PAPSS1: variants seen among roughly 807,000 people sequenced by gnomAD.
PAPSS1 encodes 3'-phosphoadenosine 5'-phosphosulfate synthase 1.
PAPSS1 carries 50 observed loss-of-function variants against 72.0 expected under a neutral mutation model. That is an observed-to-expected ratio of 0.69 (90% CI 0.55 to 0.88). The LOEUF (loss-of-function observed/expected upper bound fraction) is 0.88. Among genes scored for constraint, PAPSS1 ranks in the 40% least tolerant of loss-of-function variants. PAPSS1 has a pLI of 0.00. For synonymous variants in PAPSS1, 261 were observed against 263.6 expected (o/e 0.99, Z 0.09); for missense variants, 657 against 782.2 (o/e 0.84, Z 1.91).
intron 1 of PAPSS1, among the ~76,000 whole-genome samples, chr4:107,713,760 C>CA (rs111667474): frequency 2.4e-3 from 100 of 41,448 alleles, no homozygotes; most frequent in South Asian, 3.4e-3. Flanking sequence ...CTGTCTCAAA[C>CA]AAAAAAAAAA....
intron 1 of PAPSS1, among the ~76,000 whole-genome samples, chr4:107,716,480 G>A (rs144605429): frequency 2.4e-4 from 37 of 152,264 alleles, no homozygotes; most frequent in Admixed American, 1.4e-3. Flanking sequence ...TTAATGTCAC[G>A]TCCAGTTTCA....
At chr4:107,686,221 GT>G (rs1396369697) in intron 4 of PAPSS1, among the ~76,000 whole-genome samples, 1 of 152,126 alleles carries the variant, frequency 6.6e-6, no homozygotes, top group Non-Finnish European at 1.5e-5. Context: ...CTGTCCCTTG[GT>G]AATCATGCGG....
chr4:107,704,575 T>A (rs951282974), intron 1 of PAPSS1, among the ~76,000 whole-genome samples: 1 of 152,238 alleles, frequency 6.6e-6, no homozygotes, highest in Non-Finnish European at 1.5e-5. Flanking sequence ...ATGAACTCTT[T>A]CAAATAATTT....
At chr4:107,714,780 G>A (rs1282875384) in intron 1 of PAPSS1, among the ~76,000 whole-genome samples, 2 of 152,106 alleles carry the variant, frequency 1.3e-5, no homozygotes, top group African/African-American at 4.8e-5. Context: ...TCACGATTGA[G>A]AACCACTGGC....
At chr4:107,653,394 G>T in intron 9 of PAPSS1, 97 bp downstream of exon 9, 1 of 1,124,024 alleles carries the variant, frequency 8.9e-7, no homozygotes, top group Non-Finnish European at 1.3e-6. Flanking sequence ...ATATTTACCT[G>T]TACTCATCGT....
intron 4 of PAPSS1, among the ~76,000 whole-genome samples, chr4:107,682,778 T>C (rs1374342698): frequency 6.6e-6 from 1 of 152,220 alleles, no homozygotes; most frequent in Non-Finnish European, 1.5e-5. Context: ...TAAGTCAATC[T>C]GTCCAGTACA....
At position 107,631,686 on chromosome 4, in the gene PAPSS1, G is replaced by A. The variant is rs779557704; in HGVS notation, c.1681C>T (p.Arg561Ter). 10 of 1,614,070 alleles carry A rather than the reference G, an allele frequency of 6.2e-6. No homozygotes were observed. Among genetic ancestry groups the A allele is most frequent in the South Asian group, 2.2e-5 (2 of 91,080 alleles). ...GLITLEIVPFRVAAYNKKKKR... is the reference protein window; with the variant it reads ...GLITLEIVPF The stretch of plus-strand genomic sequence containing the variant: ...TTTTTCTTGTTGTAAGCTGCAACTC[G>A]AAAGGGAACTATTTCCAAAGTGATT... Residue 561 changes from arginine (R) to a stop codon, truncating the protein, a stop_gained, in exon 11 of 12, where the codon CGA (arginine) becomes TGA (stop). Transcript: ENST00000265174. LOFTEE classifies it high-confidence loss of function.
intron 10 of PAPSS1, among the ~76,000 whole-genome samples, chr4:107,632,600 T>C (rs1459083071): frequency 6.6e-6 from 1 of 152,002 alleles, no homozygotes; most frequent in Non-Finnish European, 1.5e-5. Flanking sequence ...GTAAGACCTA[T>C]TATTAAAAAA....
At chr4:107,661,658 G>GT (rs1388431574) in intron 5 of PAPSS1, among the ~76,000 whole-genome samples, 6 of 152,032 alleles carry the variant, frequency 3.9e-5, no homozygotes, top group Non-Finnish European at 8.8e-5. Context: ...AAAAAAGTCT[G>GT]TTTTTTTAAA....
chr4:107,703,028 C>G (rs1723244160), intron 1 of PAPSS1, among the ~76,000 whole-genome samples: 1 of 152,138 alleles, frequency 6.6e-6, no homozygotes, highest in African/African-American at 2.4e-5. Flanking sequence ...TTTTTTATAA[C>G]AGCCATTCTA....
chr4:107,711,360 T>C (rs1434622394), intron 1 of PAPSS1, among the ~76,000 whole-genome samples: 1 of 152,250 alleles, frequency 6.6e-6, no homozygotes, highest in Non-Finnish European at 1.5e-5. Flanking sequence ...ATGACACAAG[T>C]GGCCCTTTTT....
intron 5 of PAPSS1, among the ~76,000 whole-genome samples, chr4:107,676,820 C>T (rs1220529517): frequency 6.6e-6 from 1 of 152,150 alleles, no homozygotes; most frequent in East Asian, 1.9e-4. Context: ...CAGCATAGTA[C>T]TGGTACCAAA....
At chr4:107,672,575 G>A (rs1317385341) in intron 5 of PAPSS1, among the ~76,000 whole-genome samples, 1 of 152,224 alleles carries the variant, frequency 6.6e-6, no homozygotes, top group African/African-American at 2.4e-5. Flanking sequence ...CCTGGAAGCT[G>A]GAACTTGGTG....
intron 1 of PAPSS1, among the ~76,000 whole-genome samples, chr4:107,711,700 A>T (rs1244159933): frequency 6.6e-6 from 1 of 152,214 alleles, no homozygotes; most frequent in African/African-American, 2.4e-5. Context: ...AACTGTAGAG[A>T]TCGTAACAAT....
chr4:107,713,904 TA>T (rs1295399496), intron 1 of PAPSS1, among the ~76,000 whole-genome samples: 1 of 152,192 alleles, frequency 6.6e-6, no homozygotes, highest in African/African-American at 2.4e-5. Context: ...TTTCTCTACA[TA>T]ATGTCTGGTA....
chr4:107,683,790 C>G (rs1722695965), intron 4 of PAPSS1, among the ~76,000 whole-genome samples: 1 of 152,146 alleles, frequency 6.6e-6, no homozygotes, highest in Non-Finnish European at 1.5e-5. Context: ...CTGAGGCCCC[C>G]TGAATATACA....
intron 11 of PAPSS1, among the ~76,000 whole-genome samples, chr4:107,622,881 A>G (rs891548699): frequency 6.6e-6 from 1 of 152,242 alleles, no homozygotes; most frequent in African/African-American, 2.4e-5. Flanking sequence ...GAATTACAAA[A>G]GAGGATACTG....
chr4:107,660,180 TA>T, intron 5 of PAPSS1, 108 bp from the exon 6 acceptor site: 1 of 601,228 alleles, frequency 1.7e-6, no homozygotes, highest in East Asian at 2.9e-5. Context: ...AAAAGTAGCA[TA>T]AAAGAAGGCT....
intron 5 of PAPSS1, among the ~76,000 whole-genome samples, chr4:107,679,784 C>T (rs1262139580): frequency 6.6e-6 from 1 of 151,504 alleles, no homozygotes; most frequent in Admixed American, 6.6e-5. Context: ...GATTCAAGCA[C>T]TCCTCAAGAT....
Sources: allele counts gnomAD v4.1 joint callset (sites outside exome capture counted in the v4.1 genomes callset), GRCh38; gene constraint gnomAD v4.1.1; transcripts MANE v1.5; gene names NCBI Gene and HGNC (gene_info 2026-07-23, HGNC 2026-07-21).